The following CEP131 variants were observed in gnomAD, a reference collection of about 807,000 sequenced individuals.
CEP131 encodes the protein centrosomal protein 131.
Under a neutral mutation model 136.8 loss-of-function variants are expected in CEP131, and 99 were observed. That is an observed-to-expected ratio of 0.72 (90% CI 0.62 to 0.86). CEP131 has a LOEUF of 0.86. Ranked by LOEUF, CEP131 falls within the 40% of genes least tolerant of loss-of-function variation. CEP131 has a pLI of 0.00. For synonymous variants in CEP131, 646 were observed against 612.7 expected (o/e 1.05, Z -0.80); for missense variants, 1,459 against 1,463.0 (o/e 1.00, Z 0.04).
At position 81,203,990 on chromosome 17, in the gene CEP131, A is replaced by C. The variant is rs1200927671; in HGVS notation, c.516-383T>G. 1.0e-5 allele frequency: 2 copies of C among 198,260 alleles called. No individual in the cohort carries two copies. Among genetic ancestry groups the C allele is most frequent in the East Asian group, 2.8e-4 (2 of 7,112 alleles). 12.3% of individuals were successfully genotyped at this position (198,260 alleles called of 1,614,324 possible). On this transcript the variant is annotated intron_variant, in intron 5 of 25. Coordinates refer to ENST00000450824, the MANE Select transcript of CEP131 (RefSeq NM_014984.4). The surrounding 1 kb of genome is among the most constrained non-coding windows in gnomAD (Gnocchi z 4.6). The stretch of plus-strand genomic sequence containing the variant: ...ACATTCTCTGCCTCTGCCCCTCCGC[A>C]GACCCGCAGGAAGGCGGGAGGACAG...
chr17:81,199,643 A>G, intron 9 of CEP131, 76 bp downstream of exon 9: 1 of 1,596,598 alleles, frequency 6.3e-7, no homozygotes, highest in South Asian at 1.1e-5. Context: ...CCCGGGGCCC[A>G]GGGAGCCCCA....
At chr17:81,218,716 C>T (rs1049943977) in intron 2 of CEP131, among the ~76,000 whole-genome samples, 100 of 152,216 alleles carry the variant, frequency 6.6e-4, no homozygotes, top group African/African-American at 2.2e-3. Flanking sequence ...CCCCGGAACT[C>T]GGCTAGCCGT....
chr17:81,191,743 T>C (rs1300234427), intron 21 of CEP131, among the ~76,000 whole-genome samples: 1 of 152,152 alleles, frequency 6.6e-6, no homozygotes, highest in African/African-American at 2.4e-5. Context: ...TGTCCAGCCC[T>C]GGGCCCCACA....
At chr17:81,195,988 G>T (rs2146530642) in intron 15 of CEP131, 37 bp from the exon 16 acceptor site, 1 of 1,558,640 alleles carries the variant, frequency 6.4e-7, no homozygotes. Flanking sequence ...CTACACCAAG[G>T]CCCCAGCCCA....
At chr17:81,201,563 A>G (rs1241973168) in intron 7 of CEP131, among the ~76,000 whole-genome samples, 1 of 152,218 alleles carries the variant, frequency 6.6e-6, no homozygotes, top group Non-Finnish European at 1.5e-5. Flanking sequence ...TTTAATTAAC[A>G]GTTTTACTGA....
At chr17:81,199,225 T>C (rs1036210158) in intron 10 of CEP131, among the ~76,000 whole-genome samples, 156 bp downstream of exon 10, 2 of 152,094 alleles carry the variant, frequency 1.3e-5, no homozygotes, top group Non-Finnish European at 2.9e-5. Flanking sequence ...GGCACCCTCG[T>C]CAGGTCAGCT....
At chr17:81,196,056 T>G in intron 15 of CEP131, 105 bp from the exon 16 acceptor site, 3 of 886,996 alleles carry the variant, frequency 3.4e-6, no homozygotes, top group African/African-American at 1.7e-5. Flanking sequence ...ACAGCAGCCC[T>G]CCCCTGGGGC....
chr17:81,189,989 A>G lies in CEP131; in HGVS notation c.3108-14T>C. 6.3e-7 allele frequency: 1 copy of G among 1,598,658 alleles called. No homozygotes were observed. The highest frequency in any genetic ancestry group is 8.6e-7 in the Non-Finnish European group (1 of 1,169,480). Reference sequence around the variant, plus strand: ...GCTGTCTTCACCCTGTGGGTAGTACATGGTAGGCTTCAGTGTGGCCCCCGC... The same window carrying G: ...GCTGTCTTCACCCTGTGGGTAGTACGTGGTAGGCTTCAGTGTGGCCCCCGC... On this transcript the variant is annotated splice_polypyrimidine_tract_variant and intron_variant, in intron 24 of 25. Transcript: ENST00000450824.
rs760008116 is a variant in CEP131 at position 81,197,825 on chromosome 17, G to A, written c.1534C>T (p.Pro512Ser). 2 of 1,613,150 alleles carry A rather than the reference G, an allele frequency of 1.2e-6. No homozygotes were observed. The highest frequency in any genetic ancestry group is 2.7e-5 in the African/African-American group (2 of 74,936). ...LEKFGKLSAF[P>S]EPPEDGTLLS... ...AGCGTCCCATCCTCAGGAGGTTCGGGGAACGCACTGAGTTTTCCAAATTTC... is the reference window on the plus strand; with the variant it reads ...AGCGTCCCATCCTCAGGAGGTTCGGAGAACGCACTGAGTTTTCCAAATTTC... Residue 512 changes from proline to serine, a missense_variant, in exon 13 of 26, where the codon CCC becomes TCC. By Grantham distance (74) the Pro-to-Ser change is moderately conservative. Around this residue, in one of 3 missense-constraint regions of CEP131, gnomAD observed 1,026 missense variants for 964.2 expected, o/e 1.06. Transcript: ENST00000450824.
In CEP131 at chr17:81,194,131, G is replaced by A. The variant is rs1300692490; in HGVS notation, c.2120-4C>T. ...TTCTGGATCTCGGGCTCCAGACCTG[G>A]GGGCGGGGCACCAGCTAGGGCCACG... On this transcript the variant is annotated splice_region_variant and splice_polypyrimidine_tract_variant and intron_variant, in intron 17 of 25. Transcript: ENST00000450824. 3 of 1,517,418 alleles carry A rather than the reference G, an allele frequency of 2.0e-6. No homozygotes were observed. The African/African-American group carries it at 4.2e-5, about 21-fold the overall frequency. The allele number at this position is 1,517,418 out of a possible 1,614,324, so 94.0% of individuals were successfully genotyped here. A position where few individuals can be genotyped will look rare whatever the true frequency, so the allele number is the denominator to read the frequency against.
intron 2 of CEP131, among the ~76,000 whole-genome samples, chr17:81,210,292 C>T (rs2062103482): frequency 6.6e-6 from 1 of 152,206 alleles, no homozygotes; most frequent in Non-Finnish European, 1.5e-5. Context: ...ATGGAGACCG[C>T]CGGGCGCGGT....
intron 18 of CEP131, among the ~76,000 whole-genome samples, chr17:81,193,178 G>A (rs896470976): frequency 6.6e-6 from 1 of 152,222 alleles, no homozygotes; most frequent in Admixed American, 6.5e-5. Context: ...CCACGGGCAT[G>A]GAGGGCGGGA....
At chr17:81,193,435 C>G (rs1187687263) in intron 18 of CEP131, among the ~76,000 whole-genome samples, 4 of 152,170 alleles carry the variant, frequency 2.6e-5, no homozygotes, top group Admixed American at 6.5e-5. Flanking sequence ...GCTGCCACTG[C>G]CCCCTGTGGC....
At chr17:81,197,483 G>A in intron 13 of CEP131, 1 of 646,586 alleles carries the variant, frequency 1.5e-6, no homozygotes, top group Non-Finnish European at 2.5e-6. Context: ...GGGGAATGCG[G>A]GCCCTGCCAC....
At chr17:81,193,577 C>G (rs1302631288) in intron 18 of CEP131, among the ~76,000 whole-genome samples, 3 of 152,192 alleles carry the variant, frequency 2.0e-5, no homozygotes, top group African/African-American at 7.2e-5. Flanking sequence ...AAGGTCAGAG[C>G]TGGAGGGGCC....
chr17:81,193,974 C>A lies in CEP131; in HGVS notation c.2273G>T (p.Arg758Leu). 1 of 1,545,856 alleles carries A rather than the reference C, an allele frequency of 6.5e-7. No individual in the cohort carries two copies. Among genetic ancestry groups the A allele is most frequent in the Non-Finnish European group, 8.7e-7 (1 of 1,146,172 alleles). Reference protein sequence around the residue: ...QAEELREQLEREKEALGQQER... With the variant: ...QAEELREQLELEKEALGQQER... ...CTGCTGGCCCAGCGCCTCCTTCTCC[C>A]GCTCCAGCTGCTCCCGCAGCTCCTC... Residue 758 changes from arginine (R) to leucine (L), a missense_variant, in exon 18 of 26, where the codon CGG becomes CTG. Arg to Leu is a moderately radical substitution (Grantham distance 102). Transcript: ENST00000450824.
At chr17:81,210,989 G>A (rs944794269) in intron 2 of CEP131, among the ~76,000 whole-genome samples, 15 of 152,156 alleles carry the variant, frequency 9.9e-5, no homozygotes, top group South Asian at 2.1e-4. Context: ...CAGCAGAGCC[G>A]GTTAAAGGAG....
Position 81,219,859 on chromosome 17 carries a change from C to T in CEP131, c.177+21G>A. ...GCCCTCCAGGAGGCAGGGGCCCGGACTCCTAGGCCACAGTACTCACCAGCA... is the reference window on the plus strand; with the variant it reads ...GCCCTCCAGGAGGCAGGGGCCCGGATTCCTAGGCCACAGTACTCACCAGCA... On this transcript the variant is annotated intron_variant, in intron 2 of 25. Transcript: ENST00000450824. This position sits in a 1 kb window ranked among gnomAD's most constrained non-coding sequence, Gnocchi z 4.0. 6.4e-7 allele frequency: 1 copy of T among 1,554,488 alleles called. No individual in the cohort carries two copies. Among genetic ancestry groups the T allele is most frequent in the Non-Finnish European group, 8.7e-7 (1 of 1,146,388 alleles).
chr17:81,201,928 C>T (rs987289663), intron 7 of CEP131, among the ~76,000 whole-genome samples: 6 of 151,976 alleles, frequency 3.9e-5, no homozygotes, highest in African/African-American at 7.3e-5. Context: ...GGTGAAACCC[C>T]GTCTCTACTA....
Sources: gnomAD v4.1 joint callset for allele counts (sites outside exome capture counted in the v4.1 genomes callset) on GRCh38, gnomAD v4.1.1 for gene constraint, gnomAD v4.1.1 regional missense constraint, Gnocchi (gnomAD v3.1) non-coding constraint, MANE v1.5 for transcripts, NCBI Gene and HGNC (gene_info 2026-07-23, HGNC 2026-07-21) for gene names.